Variants in HCRTR2 observed in about 807,000 individuals in gnomAD.
The protein encoded by HCRTR2 is orexin receptor type 2.
In HCRTR2, 22 loss-of-function variants were observed where a neutral mutation model predicts 49.0. That is an observed-to-expected ratio of 0.45 (90% CI 0.32 to 0.64). HCRTR2 has a LOEUF of 0.64. HCRTR2 is among the 30% of genes least tolerant of loss of function. The probability of loss-of-function intolerance (pLI) is 0.04; values close to 1 mark genes in which losing one functional copy is unlikely to be tolerated. For synonymous variants in HCRTR2, 236 were observed against 205.3 expected (o/e 1.15, Z -1.28); for missense variants, 491 against 559.4 (o/e 0.88, Z 1.23).
chr6:55,214,324 T>C (rs1267790431), intron 1 of HCRTR2, among the ~76,000 whole-genome samples: 1 of 152,100 alleles, frequency 6.6e-6, no homozygotes, highest in Non-Finnish European at 1.5e-5. Flanking sequence ...AGGTGGTTTT[T>C]GTTTGTTTTA....
At chr6:55,272,499 G>A (rs1766991676) in intron 4 of HCRTR2, among the ~76,000 whole-genome samples, 1 of 151,992 alleles carries the variant, frequency 6.6e-6, no homozygotes. Context: ...TTAAAGCAGT[G>A]AGGTTTATGG....
intron 3 of HCRTR2, among the ~76,000 whole-genome samples, chr6:55,259,097 A>G (rs1424159482): frequency 3.3e-5 from 5 of 151,966 alleles, no homozygotes; most frequent in Admixed American, 1.3e-4. Flanking sequence ...TCAAAGTTAT[A>G]TTTTCTTCAC....
At chr6:55,188,586 A>T (rs1765264443) in intron 1 of HCRTR2, among the ~76,000 whole-genome samples, 1 of 152,214 alleles carries the variant, frequency 6.6e-6, no homozygotes, top group Non-Finnish European at 1.5e-5. Flanking sequence ...TCTAGGGCTT[A>T]TCTAATTTGG....
chr6:55,113,565 C>G (rs1764078584), intron 1 of HCRTR2, among the ~76,000 whole-genome samples: 1 of 151,892 alleles, frequency 6.6e-6, no homozygotes, highest in Non-Finnish European at 1.5e-5. Flanking sequence ...AAATGCAAAT[C>G]AAAACCACAA....
intron 1 of HCRTR2, among the ~76,000 whole-genome samples, chr6:55,149,251 A>C (rs1764633181): frequency 6.6e-6 from 1 of 152,120 alleles, no homozygotes; most frequent in Admixed American, 6.6e-5. Context: ...AAAAGTCCAA[A>C]ATATGTTTGC....
chr6:55,220,902 C>T (rs1765877490), intron 1 of HCRTR2, among the ~76,000 whole-genome samples: 1 of 152,050 alleles, frequency 6.6e-6, no homozygotes, highest in Non-Finnish European at 1.5e-5. Flanking sequence ...TGTTTCTATA[C>T]AATAGCAGCA....
intron 1 of HCRTR2, among the ~76,000 whole-genome samples, chr6:55,151,076 T>C (rs1764658702): frequency 6.6e-6 from 1 of 152,088 alleles, no homozygotes; most frequent in Non-Finnish European, 1.5e-5. Flanking sequence ...TCTGAATCTT[T>C]AGTGAATTAT....
intron 1 of HCRTR2, among the ~76,000 whole-genome samples, chr6:55,139,531 T>G (rs1287480408): frequency 6.6e-6 from 1 of 152,218 alleles, no homozygotes; most frequent in Non-Finnish European, 1.5e-5. Flanking sequence ...TTAATATTCC[T>G]TGAGAGAGTT....
intron 1 of HCRTR2, among the ~76,000 whole-genome samples, chr6:55,128,889 T>G (rs191558700): frequency 1.1e-4 from 17 of 152,264 alleles, no homozygotes; most frequent in Non-Finnish European, 2.4e-4. Context: ...TGGAAACATC[T>G]AAAATTTATC....
At chr6:55,163,543 T>C (rs1184357789) in intron 1 of HCRTR2, among the ~76,000 whole-genome samples, 1 of 152,160 alleles carries the variant, frequency 6.6e-6, no homozygotes, top group Non-Finnish European at 1.5e-5. Flanking sequence ...TCCTATTTAA[T>C]AAATGTTGTT....
At chr6:55,271,379 T>C (rs1204116054) in intron 4 of HCRTR2, among the ~76,000 whole-genome samples, 1 of 152,086 alleles carries the variant, frequency 6.6e-6, no homozygotes, top group Admixed American at 6.6e-5. Flanking sequence ...TCACACCACA[T>C]TCAAAACTTA....
At chr6:55,152,201 A>C (rs894362109) in intron 1 of HCRTR2, among the ~76,000 whole-genome samples, 1 of 151,932 alleles carries the variant, frequency 6.6e-6, no homozygotes, top group Non-Finnish European at 1.5e-5. Context: ...ACAGTGTACA[A>C]GGCTTCCCTT....
intron 1 of HCRTR2, among the ~76,000 whole-genome samples, chr6:55,115,654 G>T (rs978024030): frequency 6.6e-6 from 1 of 151,466 alleles, no homozygotes. Context: ...TGTTGTTATT[G>T]TTATTCCATA....
chr6:55,174,997 G>A (rs1239773387), intron 1 of HCRTR2, among the ~76,000 whole-genome samples, 187 bp downstream of exon 1: 1 of 152,126 alleles, frequency 6.6e-6, no homozygotes, highest in Non-Finnish European at 1.5e-5. Flanking sequence ...CCGGGACCGA[G>A]CCCTGGAAAG....
intron 1 of HCRTR2, among the ~76,000 whole-genome samples, chr6:55,205,036 C>T (rs567981569): frequency 7.9e-5 from 12 of 152,232 alleles, no homozygotes; most frequent in African/African-American, 2.9e-4. Flanking sequence ...CCTCAGACTC[C>T]CAAAGTTCTG....
At chr6:55,231,974 C>A (rs918504610) in intron 1 of HCRTR2, among the ~76,000 whole-genome samples, 1 of 152,122 alleles carries the variant, frequency 6.6e-6, no homozygotes, top group Non-Finnish European at 1.5e-5. Context: ...TCAGTCTCTC[C>A]GTTTTTGTTC....
intron 1 of HCRTR2, among the ~76,000 whole-genome samples, chr6:55,235,122 A>G (rs1766189686): frequency 1.3e-5 from 2 of 152,262 alleles, no homozygotes; most frequent in South Asian, 4.1e-4. Flanking sequence ...AAAACAGATA[A>G]CAATTAATCT....
rs556553353 is a variant in HCRTR2 at position 55,136,263 on chromosome 6, A to G, written c.-378+29718A>G. The stretch of plus-strand genomic sequence containing the variant: ...GACAATTTTGAAACAGCTGGTTGTC[A>G]TGGAATTGAGCTTGAGTCTTCAATG... On this transcript the variant is annotated intron_variant, in intron 1 of 7. Transcript: ENST00000615358. Among the ~76,000 whole-genome samples the G allele has an allele frequency of 2.0e-5, 3 of 152,326 alleles. No individual in the cohort carries two copies. In the South Asian group the frequency reaches 6.2e-4, roughly 32 times the overall value.
intron 1 of HCRTR2, among the ~76,000 whole-genome samples, chr6:55,207,801 T>C (rs1156910902): frequency 6.6e-6 from 1 of 152,126 alleles, no homozygotes; most frequent in African/African-American, 2.4e-5. Flanking sequence ...CACAACTCAC[T>C]TTTTTTCTAA....
Sources: gnomAD v4.1 joint callset for allele counts (sites outside exome capture counted in the v4.1 genomes callset) on GRCh38, gnomAD v4.1.1 for gene constraint, MANE v1.5 for transcripts, NCBI Gene and HGNC (gene_info 2026-07-23, HGNC 2026-07-21) for gene names.